Variants in CIT observed in about 807,000 individuals in gnomAD.
CIT encodes citron Rho-interacting kinase.
Under a neutral mutation model 272.7 loss-of-function variants are expected in CIT, and 79 were observed. The observed-to-expected ratio is 0.29, with a 90% CI of 0.24 to 0.35. The LOEUF is 0.35. CIT is among the 10% of genes least tolerant of loss of function. The pLI, the probability that CIT is intolerant of heterozygous loss-of-function variation, is 1.00. For missense variants in CIT, 1,909 were observed against 2,618.3 expected (o/e 0.73, Z 5.91); for synonymous variants, 948 against 995.6 (o/e 0.95, Z 0.90).
chr12:119,686,705 T>C lies in CIT; in HGVS notation c.*1527A>G, dbSNP rs1955596992. The C allele has an allele frequency of 6.6e-6, 1 of 152,306 alleles. No homozygotes were observed. Among genetic ancestry groups the C allele is most frequent in the Non-Finnish European group, 1.5e-5 (1 of 68,052 alleles). 9.4% of individuals were successfully genotyped at this position (152,306 alleles called of 1,614,324 possible). ...AGGACCCAAAGCAACAGATGCCTTG[T>C]GGGAGATTAAAGGCAGAAATAAGGC... On this transcript the variant is annotated 3_prime_UTR_variant, in exon 48 of 48. Coordinates refer to ENST00000392521, the MANE Select transcript of CIT (RefSeq NM_001206999.2).
chr12:119,816,168 A>C (rs1031933895), intron 9 of CIT, among the ~76,000 whole-genome samples: 1 of 152,210 alleles, frequency 6.6e-6, no homozygotes, highest in African/African-American at 2.4e-5. Context: ...TACATGTATA[A>C]ACATGTTAGT....
chr12:119,736,410 C>A (rs941232753), intron 24 of CIT, among the ~76,000 whole-genome samples: 4 of 152,228 alleles, frequency 2.6e-5, no homozygotes, highest in African/African-American at 9.6e-5. Flanking sequence ...TTCCCAGGCA[C>A]ATGAAATTAA....
At chr12:119,842,262 G>T (rs1036040090) in intron 5 of CIT, among the ~76,000 whole-genome samples, 1 of 151,762 alleles carries the variant, frequency 6.6e-6, no homozygotes, top group African/African-American at 2.4e-5. Flanking sequence ...GGTGGTGTGC[G>T]CCTGTAATCC....
chr12:119,828,850 G>A (rs1968374656), intron 7 of CIT, among the ~76,000 whole-genome samples: 1 of 152,144 alleles, frequency 6.6e-6, no homozygotes, highest in African/African-American at 2.4e-5. Flanking sequence ...TTACAGGCAT[G>A]TGCCACCACT....
intron 16 of CIT, 41 bp from the exon 17 acceptor site, chr12:119,772,951 A>C (rs1566021123): frequency 6.4e-7 from 1 of 1,574,036 alleles, no homozygotes; most frequent in Non-Finnish European, 8.6e-7. Flanking sequence ...GGGCAAATTT[A>C]TTCATATAAA....
At chr12:119,829,545 C>A (rs185938976) in intron 7 of CIT, among the ~76,000 whole-genome samples, 1 of 152,136 alleles carries the variant, frequency 6.6e-6, no homozygotes, top group Non-Finnish European at 1.5e-5. Flanking sequence ...CACTCCTACA[C>A]AAATCTAAAA....
At chr12:119,847,339 A>G (rs1593941008) in intron 5 of CIT, among the ~76,000 whole-genome samples, 1 of 152,026 alleles carries the variant, frequency 6.6e-6, no homozygotes, top group Non-Finnish European at 1.5e-5. Context: ...CACGCCTATA[A>G]CCCCAGCACT....
chr12:119,833,426 G>A (rs770917904), intron 6 of CIT, among the ~76,000 whole-genome samples: 31 of 152,050 alleles, frequency 2.0e-4, no homozygotes, highest in Non-Finnish European at 3.2e-4. Context: ...CAGCAATTTG[G>A]GAGGACAAGG....
At chr12:119,707,563 G>A (rs181273108) in intron 40 of CIT, among the ~76,000 whole-genome samples, 5 of 151,896 alleles carry the variant, frequency 3.3e-5, no homozygotes, top group Admixed American at 6.6e-5. Flanking sequence ...GTGCGGTGGC[G>A]CAATCTCGGC....
At chr12:119,716,078 TTAAAAG>T (rs1957451668) in intron 32 of CIT, among the ~76,000 whole-genome samples, 1 of 152,014 alleles carries the variant, frequency 6.6e-6, no homozygotes, top group Non-Finnish European at 1.5e-5. Flanking sequence ...TTTAATGAGT[TTAAAAG>T]TAAAGCTCTT....
intron 5 of CIT, among the ~76,000 whole-genome samples, chr12:119,844,780 G>GAC (rs1287009251): frequency 2.0e-5 from 3 of 152,084 alleles, no homozygotes; most frequent in Non-Finnish European, 4.4e-5. Context: ...ATTGACCCAA[G>GAC]TAGCAGTGTG....
At position 119,688,096 on chromosome 12, in the gene CIT, C is replaced by G. The variant is rs552125372; in HGVS notation, c.*136G>C. 8 of 912,494 alleles carry G rather than the reference C, an allele frequency of 8.8e-6. No individual in the cohort carries two copies. Among genetic ancestry groups the G allele is most frequent in the South Asian group, 8.6e-5 (6 of 69,372 alleles). 56.5% of individuals were successfully genotyped at this position (912,494 alleles called of 1,614,324 possible). A position where few individuals can be genotyped will look rare whatever the true frequency, so the allele number is the denominator to read the frequency against. ...CTCCTGGAGACAGGGGTGTCCGTGCCGAGGTGGGTCTGGGCCCCGCTGAGC... is the reference window on the plus strand; with the variant it reads ...CTCCTGGAGACAGGGGTGTCCGTGCGGAGGTGGGTCTGGGCCCCGCTGAGC... On this transcript the variant is annotated 3_prime_UTR_variant, in exon 48 of 48. Transcript: ENST00000392521.
chr12:119,803,481 G>GGC, intron 9 of CIT, 92 bp from the exon 10 acceptor site: 5 of 943,324 alleles, frequency 5.3e-6, no homozygotes, highest in Non-Finnish European at 7.9e-6. Flanking sequence ...TTACTCCTTC[G>GGC]GCGCTGGCGA....
At position 119,698,013 on chromosome 12, in the gene CIT, G is replaced by A. The variant is rs1307116720; in HGVS notation, c.5665C>T (p.Leu1889Phe). Residue 1889 changes from leucine (L) to phenylalanine (F), a missense_variant, in exon 45 of 48, where the codon CTC (leucine) becomes TTC (phenylalanine). Leu to Phe is a conservative substitution (Grantham distance 22). Around this residue, in one of 8 missense-constraint regions of CIT, gnomAD observed 780 missense variants for 1,067.2 expected, o/e 0.73. Transcript: ENST00000392521. ...CGTGCCTGGATCTCAATTACTTCGA[G>A]TGAGTTGAAGTGGGTCACAAACAGA... Reference protein sequence around the residue: ...PYLFVTHFNSLEVIEIQARSS... With the variant: ...PYLFVTHFNSFEVIEIQARSS... 2 of 1,614,192 alleles carry A rather than the reference G, an allele frequency of 1.2e-6. No homozygotes were observed. Among genetic ancestry groups the A allele is most frequent in the Admixed American group, 1.7e-5 (1 of 60,022 alleles).
In CIT at chr12:119,803,265, T is replaced by C. The variant is rs1966360982; in HGVS notation, c.1236A>G (p.Glu412=). Residue 412 remains glutamate (E), a synonymous_variant, in exon 10 of 48, where the codon GAA becomes GAG. Transcript: ENST00000392521. ...ACGAAAACCCCACAAACGGCAGTTC[T>C]TCACCCGAGAAGCCTGAGGGGCTCA... The part of the protein sequence containing the change: ...CQLSPSGFSG[E]ELPFVGFSYS... 1 of 1,607,210 alleles carries C rather than the reference T, an allele frequency of 6.2e-7. No homozygotes were observed. The highest frequency in any genetic ancestry group is 8.5e-7 in the Non-Finnish European group (1 of 1,177,480).
intron 12 of CIT, chr12:119,782,876 G>T: frequency 2.3e-6 from 1 of 430,276 alleles, no homozygotes; most frequent in Non-Finnish European, 4.2e-6. Context: ...GCATCAGCCT[G>T]TCTCCTGCCA....
chr12:119,862,413 G>C (rs560935887), intron 3 of CIT, among the ~76,000 whole-genome samples: 41 of 152,244 alleles, frequency 2.7e-4, no homozygotes, highest in Non-Finnish European at 5.7e-4. Context: ...GTAAGATTTT[G>C]AGGGATTTTT....
At chr12:119,733,220 A>G (rs1335480537) in intron 26 of CIT, among the ~76,000 whole-genome samples, 1 of 151,202 alleles carries the variant, frequency 6.6e-6, no homozygotes, top group East Asian at 1.9e-4. Flanking sequence ...ATCATTTCCT[A>G]CTAAGAAAGG....
intron 19 of CIT, among the ~76,000 whole-genome samples, chr12:119,764,998 G>A (rs891054467): frequency 2.0e-5 from 3 of 151,682 alleles, no homozygotes; most frequent in Non-Finnish European, 2.9e-5. Context: ...TAGTAGAGGC[G>A]GGGTTTCACC....
Sources: gnomAD v4.1 joint callset for allele counts (sites outside exome capture counted in the v4.1 genomes callset) on GRCh38, gnomAD v4.1.1 for gene constraint, gnomAD v4.1.1 regional missense constraint, MANE v1.5 for transcripts, NCBI Gene and HGNC (gene_info 2026-07-23, HGNC 2026-07-21) for gene names.